The following DENND4A variants were observed in gnomAD, a reference collection of about 807,000 sequenced individuals.
DENND4A encodes C-myc promoter-binding protein.
In DENND4A, 70 loss-of-function variants were observed where a neutral mutation model predicts 199.3. The ratio of observed to expected loss-of-function variants is 0.35; its 90% CI spans 0.29 to 0.43. DENND4A has a LOEUF of 0.43. Among genes scored for constraint, DENND4A ranks in the 20% least tolerant of loss-of-function variants. The pLI is 1.00. For missense variants in DENND4A, 1,723 were observed against 2,255.8 expected (o/e 0.76, Z 4.78); for synonymous variants, 686 against 766.9 (o/e 0.89, Z 1.74).
At chr15:65,784,538 T>A (rs755407585) in intron 1 of DENND4A, among the ~76,000 whole-genome samples, 4 of 152,056 alleles carry the variant, frequency 2.6e-5, no homozygotes, top group Non-Finnish European at 5.9e-5. Context: ...ACATATTTTA[T>A]AAGAAAACAT....
chr15:65,662,540 C>T (rs377635482), intron 32 of DENND4A, among the ~76,000 whole-genome samples: 2 of 151,996 alleles, frequency 1.3e-5, no homozygotes, highest in East Asian at 1.9e-4. Context: ...TTTTTAAGGA[C>T]GTTATACCAA....
intron 4 of DENND4A, among the ~76,000 whole-genome samples, chr15:65,742,216 T>C (rs746093004): frequency 1.3e-5 from 2 of 152,220 alleles, no homozygotes; most frequent in Non-Finnish European, 2.9e-5. Context: ...ACTTCCTTAT[T>C]TCCTACTTTC....
intron 23 of DENND4A, among the ~76,000 whole-genome samples, chr15:65,685,790 T>C (rs2076756733): frequency 6.6e-6 from 1 of 152,246 alleles, no homozygotes; most frequent in African/African-American, 2.4e-5. Flanking sequence ...AAAACTATCA[T>C]TTCCCCATTG....
intron 1 of DENND4A, among the ~76,000 whole-genome samples, chr15:65,769,612 G>A (rs2077076584): frequency 6.6e-6 from 1 of 151,952 alleles, no homozygotes; most frequent in Admixed American, 6.6e-5. Flanking sequence ...CACTTAATGA[G>A]GTACTCGTCA....
At chr15:65,753,503 C>T (rs145836997) in intron 3 of DENND4A, among the ~76,000 whole-genome samples, 5,693 of 151,896 alleles carry the variant, frequency 0.037, 374 homozygotes, top group African/African-American at 0.13. Flanking sequence ...GGATTACAGG[C>T]GTGTGGCACC....
chr15:65,718,127 C>T (rs116178260), intron 12 of DENND4A, 131 bp from the exon 13 acceptor site: 7,296 of 670,454 alleles, frequency 0.011, 130 homozygotes, highest in African/African-American at 0.05. Context: ...CTTAATCATA[C>T]GTAAACCTTA....
At position 65,737,720 on chromosome 15, in the gene DENND4A, G is replaced by A. The variant is rs767109804; in HGVS notation, c.1027C>T (p.Leu343Phe). 1.3e-6 allele frequency: 2 copies of A among 1,573,298 alleles called. No individual in the cohort carries two copies. The highest frequency in any genetic ancestry group is 1.7e-6 in the Non-Finnish European group (2 of 1,158,936). The change falls in exon 7 of 33, where the codon CTT (leucine) becomes TTT (phenylalanine). Residue 343 changes from leucine to phenylalanine, a missense_variant. This residue lies in a region of DENND4A where 725 missense variants were observed against 952.9 expected (regional missense o/e 0.76). Coordinates refer to ENST00000443035, the MANE Select transcript of DENND4A (RefSeq NM_001320835.1). ...YRYSISGPHV[L>F]PIEKHISHFM... ...CACTTAACTTACTTCTCAATTGGAA[G>A]GACATGAGGCCCAGAGATGGAATAA...
In DENND4A at chr15:65,752,625, A is replaced by T. The variant is rs763897785; in HGVS notation, c.315T>A (p.Val105=). 5 of 1,495,540 alleles carry T rather than the reference A, an allele frequency of 3.3e-6. No individual in the cohort carries two copies. Among genetic ancestry groups the T allele is most frequent in the African/African-American group, 1.4e-5 (1 of 70,408 alleles). The allele number at this position is 1,495,540 out of a possible 1,614,324, so 92.6% of individuals were successfully genotyped here. A position where few individuals can be genotyped will look rare whatever the true frequency, so the allele number is the denominator to read the frequency against. ...RDKPPLTDLG[V]LYDWKERLKQ... is the part of the protein sequence containing the mutation. ...TCAATCTTTCTTTCCAGTCATATAA[A>T]ACCCTAAAAATAAATTTTTAAAAAT... Residue 105 remains valine (V), a synonymous_variant, in exon 4 of 33, where the codon GTT becomes GTA. Transcript: ENST00000443035.
chr15:65,698,033 C>A (rs900750773), intron 20 of DENND4A, among the ~76,000 whole-genome samples: 6 of 152,078 alleles, frequency 3.9e-5, no homozygotes, highest in African/African-American at 1.4e-4. Context: ...AGGCAGATCA[C>A]TTGAGCCCAG....
chr15:65,707,753 T>C (rs2075109698), intron 14 of DENND4A, among the ~76,000 whole-genome samples: 1 of 152,018 alleles, frequency 6.6e-6, no homozygotes, highest in African/African-American at 2.4e-5. Flanking sequence ...TGGTGCAATT[T>C]TGGCTCACCA....
chr15:65,772,982 C>A (rs1310734084), intron 1 of DENND4A, among the ~76,000 whole-genome samples: 2 of 97,522 alleles, frequency 2.1e-5, no homozygotes, highest in African/African-American at 7.7e-5. Flanking sequence ...CATGGGAAAT[C>A]AATTTCTATT....
At position 65,669,806 on chromosome 15, in the gene DENND4A, G is replaced by C; in HGVS notation, c.4760C>G (p.Ser1587Cys). The change falls in exon 27 of 33, where the codon TCT (serine) becomes TGT (cysteine). Residue 1587 changes from serine (S) to cysteine (C), a missense_variant. Around this residue, in one of 6 missense-constraint regions of DENND4A, gnomAD observed 141 missense variants for 170.7 expected, o/e 0.83. Coordinates refer to ENST00000443035, the MANE Select transcript of DENND4A (RefSeq NM_001320835.1). Reference sequence around the variant, plus strand: ...ATTTAGATCAAAATTCCCTTGAACAGAGAGAGCAGATGTGTCAAGACCAGA... The same window carrying C: ...ATTTAGATCAAAATTCCCTTGAACACAGAGAGCAGATGTGTCAAGACCAGA... ...SASGLDTSAL[S>C]VQGNFDLNSK... 6.2e-7 allele frequency: 1 copy of C among 1,613,250 alleles called. No homozygotes were observed. The highest frequency in any genetic ancestry group is 8.5e-7 in the Non-Finnish European group (1 of 1,179,426).
At chr15:65,662,426 G>A (rs773968450) in intron 32 of DENND4A, among the ~76,000 whole-genome samples, 9 of 151,994 alleles carry the variant, frequency 5.9e-5, no homozygotes, top group Non-Finnish European at 8.8e-5. Flanking sequence ...TATATTATGG[G>A]CTACCTCTGG....
chr15:65,715,070 T>C (rs1388409250), intron 14 of DENND4A: 2 of 157,906 alleles, frequency 1.3e-5, no homozygotes, highest in East Asian at 3.8e-4. Context: ...TCATTCGCAA[T>C]TGTAGAAATA....
chr15:65,676,477 C>G lies in DENND4A; in HGVS notation c.4337G>C (p.Arg1446Pro). 6.2e-7 allele frequency: 1 copy of G among 1,610,136 alleles called. No homozygotes were observed. The highest frequency in any genetic ancestry group is 8.5e-7 in the Non-Finnish European group (1 of 1,177,914). ...TSGTKRIDLS[R>P]ISLESSASLE... The stretch of plus-strand genomic sequence containing the variant: ...GGATGCAGAACTTTCCAGGCTTATT[C>G]GGCTGAGATCAATTCTCTTAGTCCC... Residue 1446 changes from arginine to proline, a missense_variant, in exon 24 of 33, where the codon CGA becomes CCA. By Grantham distance (103) the Arg-to-Pro change is moderately radical. Around this residue, in one of 6 missense-constraint regions of DENND4A, gnomAD observed 650 missense variants for 738.1 expected, o/e 0.88. Transcript: ENST00000443035.
At chr15:65,672,422 C>T (rs147126391) in intron 24 of DENND4A, among the ~76,000 whole-genome samples, 515 of 151,966 alleles carry the variant, frequency 3.4e-3, no homozygotes, top group African/African-American at 0.011. Flanking sequence ...GCCAGGAATT[C>T]GAGACCAGCC....
intron 4 of DENND4A, among the ~76,000 whole-genome samples, chr15:65,744,168 A>C (rs1363616417): frequency 6.6e-6 from 1 of 151,580 alleles, no homozygotes; most frequent in African/African-American, 2.4e-5. Context: ...AAATACAGAC[A>C]AAAAAAAATC....
At chr15:65,715,847 TG>T (rs1286872959) in intron 13 of DENND4A, among the ~76,000 whole-genome samples, 1 of 152,220 alleles carries the variant, frequency 6.6e-6, no homozygotes, top group East Asian at 1.9e-4. Flanking sequence ...CTGTCTCCAC[TG>T]TTCTCTCACC....
rs1555425654 is a variant in DENND4A at position 65,720,947 on chromosome 15, T to TATTATATATATATATATATATA, written c.1588+1900_1588+1901insTATATATATATATATATATAAT. Among the ~76,000 whole-genome samples, 58 of 76,184 alleles carry TATTATATATATATATATATATA rather than the reference T, an allele frequency of 7.6e-4. 1 individual carries two copies. Among genetic ancestry groups the TATTATATATATATATATATATA allele is most frequent in the Non-Finnish European group, 1.2e-3 (44 of 36,336 alleles). 50.0% of individuals were successfully genotyped at this position (76,184 alleles called of 152,430 possible). ...AAAGTTGAATGGGCTGTTTCATTGA[T>TATTATATATATATATATATATA]TATATATATATATATATATATATAT... On this transcript the variant is annotated intron_variant, in intron 12 of 32. Transcript: ENST00000443035.
Sources: allele counts gnomAD v4.1 joint callset (sites outside exome capture counted in the v4.1 genomes callset), GRCh38; gene constraint gnomAD v4.1.1; regional missense constraint gnomAD v4.1.1; transcripts MANE v1.5; gene names NCBI Gene and HGNC (gene_info 2026-07-23, HGNC 2026-07-21).